Variants in PCDHAC1 observed in about 807,000 individuals in gnomAD.
The protein encoded by PCDHAC1 is protocadherin alpha-C1.
In PCDHAC1, 42 loss-of-function variants were observed where a neutral mutation model predicts 60.0. The ratio of observed to expected loss-of-function variants is 0.70; its 90% CI spans 0.55 to 0.90. The LOEUF is 0.90. PCDHAC1 is among the 40% of genes least tolerant of loss of function. The pLI is 0.00. For missense variants in PCDHAC1, 1,160 were observed against 1,222.3 expected (o/e 0.95, Z 0.76); for synonymous variants, 468 against 499.3 (o/e 0.94, Z 0.84).
chr5:140,988,866 C>T (rs1364853349), intron 3 of PCDHAC1: 2 of 152,170 alleles, frequency 1.3e-5, no homozygotes, highest in Non-Finnish European at 2.9e-5. Context: ...CTCATGTGCA[C>T]TCAGATGTAC....
rs1554254172 is a variant in PCDHAC1, at chr5:140,994,436, C to G, written c.2581+11873C>G. On this transcript the variant is annotated intron_variant, in intron 3 of 3. Coordinates refer to ENST00000253807, the MANE Select transcript of PCDHAC1 (RefSeq NM_018898.5). ...TGGATATTGAGGCCGGGCGCAGTGG[C>G]TCACACCTGTGATCCCAGCACTTTG... 1.3e-5 allele frequency among the ~76,000 whole-genome samples: 2 copies of G among 152,164 alleles called. 1 individual carries two copies. Among genetic ancestry groups the G allele is most frequent in the African/African-American group, 4.8e-5 (2 of 41,432 alleles).
At chr5:140,935,633 C>T (rs1316098876) in intron 1 of PCDHAC1, among the ~76,000 whole-genome samples, 4 of 152,046 alleles carry the variant, frequency 2.6e-5, no homozygotes, top group African/African-American at 7.2e-5. Context: ...AAATTTAGGG[C>T]TTGCTTTTTA....
At chr5:140,979,900 T>A (rs1554241214) in intron 2 of PCDHAC1, among the ~76,000 whole-genome samples, 4 of 152,214 alleles carry the variant, frequency 2.6e-5, no homozygotes, top group Admixed American at 6.5e-5. Context: ...CAAACTTAGA[T>A]CAGTTCGTAA....
rs182357788 is a variant in PCDHAC1, at chr5:140,944,436, C to T, written c.2433+15111C>T. Among the ~76,000 whole-genome samples, 220 of 152,278 alleles carry T rather than the reference C, an allele frequency of 1.4e-3. 1 individual carries two copies. Among genetic ancestry groups the T allele is most frequent in the African/African-American group, 4.9e-3 (204 of 41,560 alleles). The stretch of plus-strand genomic sequence containing the variant: ...TCCTGATCTGAAGTGGTCTGCCTGC[C>T]TCGGCCTCCCAAAGTGCTGGGATTA... On this transcript the variant is annotated intron_variant, in intron 1 of 3. Coordinates refer to ENST00000253807, the MANE Select transcript of PCDHAC1 (RefSeq NM_018898.5).
chr5:140,957,652 A>G (rs2095373583), intron 1 of PCDHAC1, among the ~76,000 whole-genome samples: 1 of 152,132 alleles, frequency 6.6e-6, no homozygotes, highest in African/African-American at 2.4e-5. Flanking sequence ...TAAATATTCA[A>G]TCATGGAGTA....
chr5:140,933,865 A>G (rs918877939), intron 1 of PCDHAC1, among the ~76,000 whole-genome samples: 14 of 151,864 alleles, frequency 9.2e-5, no homozygotes, highest in African/African-American at 1.4e-4. Flanking sequence ...TTTTTCAGAT[A>G]TATGTTAGTT....
At chr5:141,009,301 T>C (rs942481990) in intron 3 of PCDHAC1, among the ~76,000 whole-genome samples, 1 of 152,122 alleles carries the variant, frequency 6.6e-6, no homozygotes, top group Admixed American at 6.5e-5. Flanking sequence ...TAAAATTTTT[T>C]TTAAAAAGCT....
intron 1 of PCDHAC1, among the ~76,000 whole-genome samples, chr5:140,947,308 A>G (rs1554218155): frequency 1.3e-5 from 2 of 151,606 alleles, no homozygotes; most frequent in Non-Finnish European, 3.0e-5. Context: ...ACATCTTTGT[A>G]AAAAGTCGGT....
rs957359754 is a variant in PCDHAC1, at chr5:140,926,533, A to G, written c.-360A>G. The stretch of plus-strand genomic sequence containing the variant: ...CAGGCTCCGCCCTGCGCCCGCAGCC[A>G]GCGTGGTGGTCGAGACCCCAGCCCG... On this transcript the variant is annotated 5_prime_UTR_variant, in exon 1 of 4. Transcript: ENST00000253807. 1.1e-4 allele frequency: 23 copies of G among 211,100 alleles called. No homozygotes were observed. The highest frequency in any genetic ancestry group is 3.3e-4 in the East Asian group (3 of 9,148). The allele number at this position is 211,100 out of a possible 1,614,324, so 13.1% of individuals were successfully genotyped here. A position where few individuals can be genotyped will look rare whatever the true frequency, so the allele number is the denominator to read the frequency against.
intron 2 of PCDHAC1, chr5:140,982,224 A>C: frequency 1.7e-6 from 1 of 587,320 alleles, no homozygotes; most frequent in South Asian, 3.8e-5. Flanking sequence ...TGGCGTTAAT[A>C]AAAAACAGAA....
At chr5:140,966,569 G>A in intron 1 of PCDHAC1, 1 of 500,346 alleles carries the variant, frequency 2.0e-6, no homozygotes, top group Non-Finnish European at 3.3e-6. Flanking sequence ...TGGAATATGG[G>A]GAGTCAGCGA....
intron 1 of PCDHAC1, among the ~76,000 whole-genome samples, chr5:140,935,116 C>T (rs2090194943): frequency 6.6e-6 from 1 of 152,126 alleles, no homozygotes; most frequent in Non-Finnish European, 1.5e-5. Flanking sequence ...AGAGCTTTCA[C>T]TTATTTTTAG....
intron 1 of PCDHAC1, among the ~76,000 whole-genome samples, chr5:140,972,712 G>T (rs1409880262): frequency 6.9e-6 from 1 of 144,630 alleles, no homozygotes; most frequent in East Asian, 2.0e-4. Context: ...TTGCCAGGCT[G>T]GAGTGCAGTG....
chr5:140,985,421 G>T (rs1554247049), intron 3 of PCDHAC1, among the ~76,000 whole-genome samples: 1 of 152,110 alleles, frequency 6.6e-6, no homozygotes, highest in African/African-American at 2.4e-5. Context: ...GGAGTGAGGA[G>T]GATTTATTAG....
At chr5:140,997,118 C>A (rs1319289091) in intron 3 of PCDHAC1, among the ~76,000 whole-genome samples, 24 of 152,088 alleles carry the variant, frequency 1.6e-4, no homozygotes, top group Non-Finnish European at 3.1e-4. Context: ...TGCTCTCCCA[C>A]ATACACAATG....
intron 1 of PCDHAC1, among the ~76,000 whole-genome samples, chr5:140,978,171 G>C (rs1386184793): frequency 6.6e-6 from 1 of 152,186 alleles, no homozygotes; most frequent in Non-Finnish European, 1.5e-5. Context: ...AGAGTTTGTA[G>C]AGAGAGGGCA....
rs533760082 is a variant in PCDHAC1 at position 140,985,940 on chromosome 5, T to C, written c.2581+3377T>C. On this transcript the variant is annotated intron_variant, in intron 3 of 3. Coordinates refer to ENST00000253807, the MANE Select transcript of PCDHAC1 (RefSeq NM_018898.5). ...ATTTTTAGTAGAGCCGGGGTTTCAC[T>C]GTGTTAGCCAGGATGGTCTCAATCT... is the stretch of plus-strand genomic sequence containing the variant. Among the ~76,000 whole-genome samples, 4 of 151,946 alleles carry C rather than the reference T, an allele frequency of 2.6e-5. No homozygotes were observed. In the South Asian group the frequency reaches 6.2e-4, roughly 24 times the overall value.
In PCDHAC1 at chr5:140,944,191, G is replaced by T. The variant is rs181232402; in HGVS notation, c.2433+14866G>T. The stretch of plus-strand genomic sequence containing the variant: ...GGCTGGTTTTTTGTTGGTTTGTTTT[G>T]TTTTGTTTTGTTTTTAAAGAGGGTT... On this transcript the variant is annotated intron_variant, in intron 1 of 3. Coordinates refer to ENST00000253807, the MANE Select transcript of PCDHAC1 (RefSeq NM_018898.5). 9.2e-5 allele frequency among the ~76,000 whole-genome samples: 14 copies of T among 152,098 alleles called. No individual in the cohort carries two copies. The East Asian group carries it at 2.5e-3, about 27-fold the overall frequency.
intron 1 of PCDHAC1, among the ~76,000 whole-genome samples, chr5:140,934,122 TATTA>T (rs2153618298): frequency 6.6e-6 from 1 of 152,300 alleles, no homozygotes; most frequent in East Asian, 1.9e-4. Flanking sequence ...TTTCATACTT[TATTA>T]ATTTATTTCC....
Sources: allele counts gnomAD v4.1 joint callset (sites outside exome capture counted in the v4.1 genomes callset), GRCh38; gene constraint gnomAD v4.1.1; transcripts MANE v1.5; gene names NCBI Gene and HGNC (gene_info 2026-07-23, HGNC 2026-07-21).